The following GBF1 variants were observed in gnomAD, a reference collection of about 807,000 sequenced individuals.
The protein encoded by GBF1 is golgi brefeldin A resistant guanine nucleotide exchange factor 1, also known as Golgi-specific brefeldin A-resistance guanine nucleotide exchange factor 1.
A neutral mutation model predicts 210.5 loss-of-function variants in GBF1; 114 were observed. The ratio of observed to expected loss-of-function variants is 0.54; its 90% CI spans 0.47 to 0.63. The LOEUF (loss-of-function observed/expected upper bound fraction) is 0.63, where lower values mean the gene tolerates loss of function less well. GBF1 is among the 30% of genes least tolerant of loss of function. The probability of loss-of-function intolerance (pLI) is 0.00; values close to 1 mark genes in which losing one functional copy is unlikely to be tolerated. For synonymous variants in GBF1, 850 were observed against 889.2 expected (o/e 0.96, Z 0.78); for missense variants, 1,851 against 2,357.7 (o/e 0.79, Z 4.45).
Position 102,381,023 on chromosome 10 carries a change from T to C in GBF1, c.5174-104T>C, listed in dbSNP as rs2135386946. The C allele has an allele frequency of 1.6e-5, 18 of 1,138,450 alleles. No individual in the cohort carries two copies. In the South Asian group the frequency reaches 2.4e-4, roughly 15 times the overall value. The allele number at this position is 1,138,450 out of a possible 1,614,324, so 70.5% of individuals were successfully genotyped here. A position where few individuals can be genotyped will look rare whatever the true frequency, so the allele number is the denominator to read the frequency against. ...AAAAAAAAGTCCCCAAAGCTGAATT[T>C]ATTGTCTGTGCCCTGGGTGGGTAGA... On this transcript the variant is annotated intron_variant, in intron 38 of 39. Transcript: ENST00000369983.
At chr10:102,288,601 C>CT (rs1227142676) in intron 3 of GBF1, among the ~76,000 whole-genome samples, 1 of 151,842 alleles carries the variant, frequency 6.6e-6, no homozygotes. Flanking sequence ...GTCCCAGCTA[C>CT]TCGAGAGGCT....
At chr10:102,299,865 A>G (rs902759335) in intron 3 of GBF1, among the ~76,000 whole-genome samples, 2 of 152,264 alleles carry the variant, frequency 1.3e-5, no homozygotes, top group African/African-American at 4.8e-5. Flanking sequence ...TATACAGTAC[A>G]TAACTATATA....
At chr10:102,328,779 G>T (rs1164868751) in intron 3 of GBF1, among the ~76,000 whole-genome samples, 4 of 152,080 alleles carry the variant, frequency 2.6e-5, no homozygotes, top group Non-Finnish European at 5.9e-5. Flanking sequence ...TCAGAATTTA[G>T]TTCTTTTTAA....
intron 39 of GBF1, among the ~76,000 whole-genome samples, chr10:102,381,766 A>G (rs547749679): frequency 7.5e-6 from 1 of 132,934 alleles, no homozygotes; most frequent in South Asian, 2.7e-4. Context: ...CAGAGGTTGC[A>G]GTGAGCTGAG....
chr10:102,368,146 A>G (rs2060009352), intron 21 of GBF1, 72 bp from the exon 22 acceptor site: 1 of 939,962 alleles, frequency 1.1e-6, no homozygotes. Context: ...AGTATGGATG[A>G]ACTCCTAGTC....
intron 13 of GBF1, 102 bp from the exon 14 acceptor site, chr10:102,361,616 C>A: frequency 2.7e-6 from 2 of 736,236 alleles, no homozygotes; most frequent in Non-Finnish European, 4.5e-6. Context: ...TGCCTCTAGG[C>A]TGGGCTTCTG....
intron 3 of GBF1, among the ~76,000 whole-genome samples, chr10:102,280,392 A>G (rs1469564694): frequency 1.3e-5 from 2 of 152,192 alleles, no homozygotes; most frequent in African/African-American, 4.8e-5. Context: ...AAATTGTCCC[A>G]TCCTTGACTC....
intron 3 of GBF1, among the ~76,000 whole-genome samples, chr10:102,277,959 A>G (rs1449247968): frequency 2.0e-5 from 3 of 152,194 alleles, no homozygotes; most frequent in Admixed American, 2.0e-4. Flanking sequence ...TAGCATTAAA[A>G]ACATTTTTTT....
chr10:102,268,556 A>G (rs2074098133), intron 3 of GBF1, among the ~76,000 whole-genome samples: 1 of 152,110 alleles, frequency 6.6e-6, no homozygotes, highest in Non-Finnish European at 1.5e-5. Flanking sequence ...CCATGACAGC[A>G]GTCAGATGAG....
chr10:102,381,260 G>A lies in GBF1; in HGVS notation c.5302+5G>A, dbSNP rs997184856. On this transcript the variant is annotated splice_donor_5th_base_variant and intron_variant, in intron 39 of 39. Coordinates refer to ENST00000369983, the MANE Select transcript of GBF1 (RefSeq NM_001377137.1). ...CATCTGAGCTGGGGGCCTGTGGTGAGTCTCTCTAGCCTAGCCTGATAGGCA... is the reference window on the plus strand; with the variant it reads ...CATCTGAGCTGGGGGCCTGTGGTGAATCTCTCTAGCCTAGCCTGATAGGCA... The A allele has an allele frequency of 3.1e-6, 5 of 1,613,480 alleles. No individual in the cohort carries two copies. Among genetic ancestry groups the A allele is most frequent in the Non-Finnish European group, 4.2e-6 (5 of 1,179,920 alleles).
intron 1 of GBF1, among the ~76,000 whole-genome samples, chr10:102,250,390 T>C (rs928042312): frequency 1.1e-4 from 17 of 152,234 alleles, no homozygotes; most frequent in African/African-American, 4.1e-4. Flanking sequence ...GACACAGGAT[T>C]TTACTATGTT....
At chr10:102,345,672 A>G (rs954238214) in intron 4 of GBF1, among the ~76,000 whole-genome samples, 1 of 150,104 alleles carries the variant, frequency 6.7e-6, no homozygotes, top group Non-Finnish European at 1.5e-5. Context: ...AAAAAAAAAA[A>G]GCAGATAGTA....
At position 102,379,452 on chromosome 10, in the gene GBF1, G is replaced by A. The variant is rs145251342; in HGVS notation, c.4645+18G>A. 2.2e-3 allele frequency: 3,569 copies of A among 1,614,100 alleles called. 7 individuals are homozygous for A. The highest frequency in any genetic ancestry group is 2.8e-3 in the Non-Finnish European group (3,297 of 1,179,998). ...ACTGCAGGGTAAACCAGGAGGGGCAGAGGTAGGGAGTTTGGGGAGCATCAG... is the reference window on the plus strand; with the variant it reads ...ACTGCAGGGTAAACCAGGAGGGGCAAAGGTAGGGAGTTTGGGGAGCATCAG... On this transcript the variant is annotated intron_variant, in intron 34 of 39. Transcript: ENST00000369983.
At chr10:102,267,779 G>A (rs1459980495) in intron 3 of GBF1, among the ~76,000 whole-genome samples, 1 of 152,182 alleles carries the variant, frequency 6.6e-6, no homozygotes, top group Non-Finnish European at 1.5e-5. Flanking sequence ...TTTGTGAAGG[G>A]CTGAGTGTTA....
rs112460270 is a variant in GBF1, at chr10:102,339,010, G to A, written c.164-5041G>A. Among the ~76,000 whole-genome samples the A allele has an allele frequency of 5.3e-5, 8 of 152,148 alleles. 1 individual carries two copies. Among genetic ancestry groups the A allele is most frequent in the African/African-American group, 1.7e-4 (7 of 41,516 alleles). ...TTGAAATGGAAAGGCAAAGGAATTG[G>A]AACACTGAATGATATTGGAAAAAAA... On this transcript the variant is annotated intron_variant, in intron 3 of 39. Transcript: ENST00000369983.
intron 3 of GBF1, among the ~76,000 whole-genome samples, chr10:102,282,152 G>A (rs2075559560): frequency 6.6e-6 from 1 of 151,342 alleles, no homozygotes; most frequent in East Asian, 1.9e-4. Context: ...AGCCAGGATG[G>A]TCTCAATCTC....
At chr10:102,254,483 T>C (rs1051048310) in intron 1 of GBF1, among the ~76,000 whole-genome samples, 3 of 152,384 alleles carry the variant, frequency 2.0e-5, no homozygotes, top group South Asian at 4.1e-4. Context: ...TAAATAAGAA[T>C]ACAATTTATT....
the GBF1 span, among the ~76,000 whole-genome samples, chr10:102,235,935 G>A: frequency 1.3e-5 from 2 of 152,266 alleles, no homozygotes; most frequent in Non-Finnish European, 2.9e-5. Context: ...TTGGGGACAA[G>A]GGACTGGTAG....
intron 12 of GBF1, 109 bp from the exon 13 acceptor site, chr10:102,360,913 T>C: frequency 1.5e-6 from 1 of 689,338 alleles, no homozygotes; most frequent in Non-Finnish European, 2.6e-6. Context: ...AGGCAGAGGT[T>C]GCAGTGAGCT....
Sources: gnomAD v4.1 joint callset for allele counts (sites outside exome capture counted in the v4.1 genomes callset) on GRCh38, gnomAD v4.1.1 for gene constraint, MANE v1.5 for transcripts, NCBI Gene and HGNC (gene_info 2026-07-23, HGNC 2026-07-21) for gene names.